KCNH7: variants seen among roughly 807,000 people sequenced by gnomAD.
The protein encoded by KCNH7 is voltage-gated inwardly rectifying potassium channel KCNH7.
A neutral mutation model predicts 120.8 loss-of-function variants in KCNH7; 49 were observed. The ratio of observed to expected loss-of-function variants is 0.41; its 90% CI spans 0.32 to 0.51. The LOEUF is 0.51. Among genes scored for constraint, KCNH7 ranks in the 20% least tolerant of loss-of-function variants. KCNH7 has a pLI of 0.38. For missense variants in KCNH7, 1,097 were observed against 1,446.6 expected, an observed-to-expected ratio of 0.76 and a Z score of 3.92; for synonymous variants, 547 against 516.1, an observed-to-expected ratio of 1.06 and a Z score of -0.81.
intron 2 of KCNH7, among the ~76,000 whole-genome samples, chr2:162,832,146 A>G (rs1024805559): frequency 3.3e-4 from 50 of 152,142 alleles, no homozygotes; most frequent in African/African-American, 1.1e-3. Context: ...AAAAATGTAT[A>G]AACAGAAAGT....
chr2:162,791,278 T>C (rs1683932616), intron 2 of KCNH7, among the ~76,000 whole-genome samples: 1 of 152,080 alleles, frequency 6.6e-6, no homozygotes. Context: ...TTGTTGTTTC[T>C]TATGAATTTT....
intron 2 of KCNH7, among the ~76,000 whole-genome samples, chr2:162,542,394 TC>T (rs1192926846): frequency 1.1e-5 from 1 of 90,482 alleles, no homozygotes; most frequent in African/African-American, 4.3e-5. Context: ...ATGCTATCCC[TC>T]CCCCCTCCCC....
At chr2:162,384,663 C>A (rs766832159) in intron 13 of KCNH7, 25 bp downstream of exon 13, 1 of 1,608,688 alleles carries the variant, frequency 6.2e-7, no homozygotes, top group Non-Finnish European at 8.5e-7. Flanking sequence ...GAAGAGAGAC[C>A]ACCTGATGTC....
chr2:162,601,074 C>T (rs562705344), intron 2 of KCNH7, among the ~76,000 whole-genome samples: 1 of 152,036 alleles, frequency 6.6e-6, no homozygotes, highest in African/African-American at 2.4e-5. Flanking sequence ...AAAAGGGTAA[C>T]TCATATTGTT....
intron 6 of KCNH7, among the ~76,000 whole-genome samples, chr2:162,470,023 G>A (rs1689449940): frequency 6.6e-6 from 1 of 152,228 alleles, no homozygotes; most frequent in Non-Finnish European, 1.5e-5. Context: ...ATGGTGCCCA[G>A]GCTGGAGTGC....
chr2:162,762,306 T>C (rs1054816942), intron 2 of KCNH7, among the ~76,000 whole-genome samples: 16 of 151,932 alleles, frequency 1.1e-4, no homozygotes, highest in Non-Finnish European at 1.6e-4. Flanking sequence ...TATATATATA[T>C]ACATATAGGC....
At chr2:162,594,739 C>T (rs969546455) in intron 2 of KCNH7, among the ~76,000 whole-genome samples, 34 of 151,926 alleles carry the variant, frequency 2.2e-4, no homozygotes, top group African/African-American at 8.2e-4. Context: ...ATAGTATTTA[C>T]ATTGAAATTA....
intron 6 of KCNH7, among the ~76,000 whole-genome samples, chr2:162,447,226 C>T (rs925481940): frequency 2.6e-5 from 4 of 152,048 alleles, no homozygotes; most frequent in Admixed American, 2.6e-4. Flanking sequence ...TATAAGGCAT[C>T]AGATAAACTA....
chr2:162,778,511 G>T (rs1000990472), intron 2 of KCNH7, among the ~76,000 whole-genome samples: 17 of 152,144 alleles, frequency 1.1e-4, no homozygotes, highest in Non-Finnish European at 1.5e-4. Context: ...ACTCTACACT[G>T]TGAGGGGCAG....
At chr2:162,619,992 A>G (rs1044865511) in intron 2 of KCNH7, among the ~76,000 whole-genome samples, 6 of 151,846 alleles carry the variant, frequency 4.0e-5, no homozygotes, top group Non-Finnish European at 5.9e-5. Context: ...GCTAAGTCCA[A>G]CATACTGGGA....
intron 8 of KCNH7, among the ~76,000 whole-genome samples, chr2:162,427,350 T>A (rs1244827968): frequency 6.6e-6 from 1 of 152,110 alleles, no homozygotes; most frequent in East Asian, 1.9e-4. Context: ...AAAATACTAT[T>A]TGTTCCATAT....
chr2:162,536,843 T>G, intron 3 of KCNH7, 82 bp downstream of exon 3: 1 of 1,196,394 alleles, frequency 8.4e-7, no homozygotes, highest in Middle Eastern at 2.0e-4. Flanking sequence ...TTTTGAGAAC[T>G]GAATTGAAAT....
intron 14 of KCNH7, among the ~76,000 whole-genome samples, chr2:162,375,090 T>C (rs1261398508): frequency 1.3e-5 from 2 of 152,202 alleles, no homozygotes; most frequent in Non-Finnish European, 2.9e-5. Flanking sequence ...AAATCTTTCC[T>C]TATTTACCCC....
chr2:162,450,866 T>C (rs1348608291), intron 6 of KCNH7, among the ~76,000 whole-genome samples: 1 of 151,864 alleles, frequency 6.6e-6, no homozygotes, highest in Non-Finnish European at 1.5e-5. Flanking sequence ...AGGGAAGTAA[T>C]GGAAGCCTAC....
At chr2:162,710,590 T>C (rs1003516590) in intron 2 of KCNH7, among the ~76,000 whole-genome samples, 1 of 152,174 alleles carries the variant, frequency 6.6e-6, no homozygotes, top group African/African-American at 2.4e-5. Flanking sequence ...TTGGTTGGAA[T>C]GAGGATCACA....
chr2:162,478,017 T>C (rs993428375), intron 6 of KCNH7, among the ~76,000 whole-genome samples: 1 of 152,194 alleles, frequency 6.6e-6, no homozygotes, highest in Admixed American at 6.5e-5. Context: ...AATTGTGATA[T>C]GTGTGATAGA....
chr2:162,707,210 T>A (rs1242827001), intron 2 of KCNH7, among the ~76,000 whole-genome samples: 1 of 152,112 alleles, frequency 6.6e-6, no homozygotes, highest in Non-Finnish European at 1.5e-5. Flanking sequence ...AGCTATAAAT[T>A]TGAGGTTAAT....
chr2:162,513,270 CCTCCT>C (rs1691149924), intron 4 of KCNH7, among the ~76,000 whole-genome samples: 1 of 133,666 alleles, frequency 7.5e-6, no homozygotes, highest in Admixed American at 1.0e-4. Flanking sequence ...TCCTTCCTTC[CCTCCT>C]TCCCTCCTTC....
intron 6 of KCNH7, among the ~76,000 whole-genome samples, chr2:162,476,459 T>C (rs1380183414): frequency 6.6e-6 from 1 of 152,206 alleles, no homozygotes; most frequent in Non-Finnish European, 1.5e-5. Context: ...ATGCTGAAAC[T>C]AGATAATTTT....
Sources: gnomAD v4.1 joint callset for allele counts (sites outside exome capture counted in the v4.1 genomes callset) on GRCh38, gnomAD v4.1.1 for gene constraint, MANE v1.5 for transcripts, NCBI Gene and HGNC (gene_info 2026-07-23, HGNC 2026-07-21) for gene names.